IQCH: variants seen among roughly 807,000 people sequenced by gnomAD.
IQCH encodes IQ domain-containing protein H.
In IQCH, 98 loss-of-function variants were observed where a neutral mutation model predicts 117.0. The ratio of observed to expected loss-of-function variants is 0.84; its 90% CI spans 0.71 to 0.99. The LOEUF (loss-of-function observed/expected upper bound fraction) is 0.99, where lower values mean the gene tolerates loss of function less well. IQCH is among the 50% of genes least tolerant of loss of function. The pLI, the probability that IQCH is intolerant of heterozygous loss-of-function variation, is 0.00. For synonymous variants in IQCH, 412 were observed against 448.2 expected (o/e 0.92, Z 1.02); for missense variants, 1,102 against 1,243.8 (o/e 0.89, Z 1.72).
chr15:67,286,892 T>C (rs1208405484), intron 4 of IQCH, among the ~76,000 whole-genome samples: 3 of 152,082 alleles, frequency 2.0e-5, no homozygotes, highest in Non-Finnish European at 2.9e-5. Flanking sequence ...GGATTACAGG[T>C]GTGAGCCACC....
At chr15:67,357,700 A>G (rs112896105) in intron 7 of IQCH, among the ~76,000 whole-genome samples, 23 of 152,322 alleles carry the variant, frequency 1.5e-4, no homozygotes, top group African/African-American at 5.5e-4. Flanking sequence ...TCAGGAGTCC[A>G]GTAGCTATTG....
At chr15:67,435,048 G>A (rs2082106407) in intron 16 of IQCH, among the ~76,000 whole-genome samples, 1 of 149,258 alleles carries the variant, frequency 6.7e-6, no homozygotes, top group African/African-American at 2.5e-5. Flanking sequence ...GTAGAGATGG[G>A]GTTTCACCAT....
chr15:67,487,431 C>CAT (rs2083517693), intron 18 of IQCH, among the ~76,000 whole-genome samples: 1 of 148,330 alleles, frequency 6.7e-6, no homozygotes, highest in Admixed American at 6.7e-5. Flanking sequence ...TTAAGGAAAA[C>CAT]ACACACACAC....
intron 16 of IQCH, among the ~76,000 whole-genome samples, chr15:67,462,256 G>A (rs1274199109): frequency 6.6e-6 from 1 of 151,660 alleles, no homozygotes; most frequent in South Asian, 2.1e-4. Context: ...GTGAAACCCC[G>A]TCTCTACTAA....
intron 4 of IQCH, among the ~76,000 whole-genome samples, chr15:67,305,005 G>A (rs1967228542): frequency 6.6e-6 from 1 of 152,098 alleles, no homozygotes; most frequent in South Asian, 2.1e-4. Context: ...CCATTGACTA[G>A]ATGCTACCTT....
chr15:67,259,504 A>G (rs1252786035), intron 1 of IQCH, among the ~76,000 whole-genome samples: 1 of 152,228 alleles, frequency 6.6e-6, no homozygotes, highest in African/African-American at 2.4e-5. Flanking sequence ...CCTTTTATTG[A>G]GTTCTTGCTA....
rs1396838298 is a variant in IQCH, at chr15:67,406,077, C to T, written c.2097+5772C>T. The stretch of plus-strand genomic sequence containing the variant: ...ATGAGAGAGAATTTTAGACATCACC[C>T]TTTGGTTGTTCATGGGAATGACAGA... On this transcript the variant is annotated intron_variant, in intron 14 of 20. Transcript: ENST00000335894. The surrounding 1 kb of genome is among the most constrained non-coding windows in gnomAD (Gnocchi z 4.5). 6.6e-6 allele frequency: 1 copy of T among 152,184 alleles called. No individual in the cohort carries two copies. The highest frequency in any genetic ancestry group is 2.4e-5 in the African/African-American group (1 of 41,444). 9.4% of individuals were successfully genotyped at this position (152,184 alleles called of 1,614,324 possible).
At chr15:67,280,538 G>C (rs1966310350) in intron 4 of IQCH, among the ~76,000 whole-genome samples, 1 of 152,196 alleles carries the variant, frequency 6.6e-6, no homozygotes, top group Non-Finnish European at 1.5e-5. Context: ...GAGAGACAGA[G>C]AGAAAACCAG....
At chr15:67,380,283 C>T (rs1970881755) in intron 10 of IQCH, among the ~76,000 whole-genome samples, 1 of 152,100 alleles carries the variant, frequency 6.6e-6, no homozygotes, top group East Asian at 1.9e-4. Flanking sequence ...ATCCATTTGG[C>T]CCATTTGGTT....
rs1229624860 is a variant in IQCH, at chr15:67,381,817, CA to C, written c.1373-3114del. ...GCAACATGGCGAAACCCTGGCTCTACAAAAATTACAAAAATTAGCCAGGTGT... is the reference window on the plus strand; with the variant it reads ...GCAACATGGCGAAACCCTGGCTCTACAAAATTACAAAAATTAGCCAGGTGT... On this transcript the variant is annotated intron_variant, in intron 10 of 20. Transcript: ENST00000335894. The surrounding 1 kb of genome is among the most constrained non-coding windows in gnomAD (Gnocchi z 5.1). 6.6e-6 allele frequency among the ~76,000 whole-genome samples: 1 copy of C among 151,588 alleles called. No individual in the cohort carries two copies. Among genetic ancestry groups the C allele is most frequent in the Non-Finnish European group, 1.5e-5 (1 of 67,902 alleles).
At chr15:67,380,095 G>A (rs1970874699) in intron 10 of IQCH, among the ~76,000 whole-genome samples, 1 of 152,096 alleles carries the variant, frequency 6.6e-6, no homozygotes, top group African/African-American at 2.4e-5. Context: ...CAGTTAATCT[G>A]CCCACCTCGG....
At position 67,283,723 on chromosome 15, in the gene IQCH, A is replaced by G. The variant is rs1231236538; in HGVS notation, c.387+4211A>G. Among the ~76,000 whole-genome samples, 3 of 152,102 alleles carry G rather than the reference A, an allele frequency of 2.0e-5. No homozygotes were observed. In the East Asian group the frequency reaches 5.8e-4, roughly 29 times the overall value. The stretch of plus-strand genomic sequence containing the variant: ...TTTCGATATAAAAGTAATGGATTTT[A>G]CTTCAAAATATTTAGATAAAACTCA... On this transcript the variant is annotated intron_variant, in intron 4 of 20. Transcript: ENST00000335894.
intron 16 of IQCH, among the ~76,000 whole-genome samples, chr15:67,452,758 T>C (rs371325209): frequency 7.2e-6 from 1 of 138,814 alleles, no homozygotes; most frequent in Non-Finnish European, 1.6e-5. Flanking sequence ...TTTCCTGAAT[T>C]TGAATGTTGG....
intron 16 of IQCH, among the ~76,000 whole-genome samples, chr15:67,452,431 A>G (rs2082551669): frequency 6.6e-6 from 1 of 152,170 alleles, no homozygotes; most frequent in Non-Finnish European, 1.5e-5. Context: ...TGGTGACAGA[A>G]TCTCTCAGCA....
rs551223184 is a variant in IQCH, at chr15:67,372,306, G to C, written c.949G>C (p.Val317Leu). 2 of 1,614,042 alleles carry C rather than the reference G, an allele frequency of 1.2e-6. No individual in the cohort carries two copies. The highest frequency in any genetic ancestry group is 1.7e-6 in the Non-Finnish European group (2 of 1,179,986). ...KFLRNYAIPE[V>L]KIKGNNLVAL... Reference sequence around the variant, plus strand: ...TCTCAGGAACTATGCTATACCAGAAGTCAAAATAAAAGGGAATAATTTGGT... The same window carrying C: ...TCTCAGGAACTATGCTATACCAGAACTCAAAATAAAAGGGAATAATTTGGT... The change falls in exon 9 of 21, where the codon GTC (valine) becomes CTC (leucine). Residue 317 changes from valine (V) to leucine (L), a missense_variant. This residue lies in a region of IQCH where 452 missense variants were observed against 449.6 expected (regional missense o/e 1.01). Coordinates refer to ENST00000335894, the MANE Select transcript of IQCH (RefSeq NM_001031715.3).
At chr15:67,402,525 C>T (rs952524140) in intron 14 of IQCH, among the ~76,000 whole-genome samples, 3 of 152,176 alleles carry the variant, frequency 2.0e-5, no homozygotes, top group Non-Finnish European at 4.4e-5. Context: ...CATTACTTTA[C>T]GAGCACAGGC....
At chr15:67,302,972 T>C (rs1269973357) in intron 4 of IQCH, among the ~76,000 whole-genome samples, 1 of 152,228 alleles carries the variant, frequency 6.6e-6, no homozygotes, top group Non-Finnish European at 1.5e-5. Context: ...GCATACATTC[T>C]GTAGATATTT....
At chr15:67,291,278 A>C (rs1438904183) in intron 4 of IQCH, among the ~76,000 whole-genome samples, 1 of 152,202 alleles carries the variant, frequency 6.6e-6, no homozygotes, top group Non-Finnish European at 1.5e-5. Flanking sequence ...AAATTGGAAT[A>C]AATGCATAGT....
At chr15:67,345,666 T>C (rs1424058133) in intron 6 of IQCH, among the ~76,000 whole-genome samples, 1 of 152,126 alleles carries the variant, frequency 6.6e-6, no homozygotes, top group Non-Finnish European at 1.5e-5. Context: ...ACTGTCACGG[T>C]CATGAAAACA....
Sources: gnomAD v4.1 joint callset for allele counts (sites outside exome capture counted in the v4.1 genomes callset) on GRCh38, gnomAD v4.1.1 for gene constraint, gnomAD v4.1.1 regional missense constraint, Gnocchi (gnomAD v3.1) non-coding constraint, MANE v1.5 for transcripts, NCBI Gene and HGNC (gene_info 2026-07-23, HGNC 2026-07-21) for gene names.